Variants in GLE1 observed in about 807,000 individuals in gnomAD.
The protein encoded by GLE1 is GLE1 RNA export mediator.
GLE1 carries 78 observed loss-of-function variants against 97.3 expected under a neutral mutation model. The observed-to-expected ratio is 0.80, with a 90% CI of 0.67 to 0.97. The LOEUF (loss-of-function observed/expected upper bound fraction) is 0.97. GLE1 is among the 50% of genes least tolerant of loss of function. The probability of loss-of-function intolerance (pLI) is 0.00; values close to 1 mark genes in which losing one functional copy is unlikely to be tolerated. For missense variants in GLE1, 753 were observed against 857.5 expected (o/e 0.88, Z 1.52); for synonymous variants, 302 against 313.4 (o/e 0.96, Z 0.39).
chr9:128,506,906 T>C (rs1003861479), intron 1 of GLE1, among the ~76,000 whole-genome samples: 5 of 152,246 alleles, frequency 3.3e-5, no homozygotes, highest in African/African-American at 9.6e-5. Context: ...ATTCTCAATA[T>C]GTTTACTTAT....
At chr9:128,520,095 C>A (rs1038535871) in intron 3 of GLE1, among the ~76,000 whole-genome samples, 8 of 151,834 alleles carry the variant, frequency 5.3e-5, no homozygotes, top group Non-Finnish European at 1.2e-4. Flanking sequence ...ACTAAAAATA[C>A]AAAAATTAGC....
At position 128,531,754 on chromosome 9, in the gene GLE1, C is replaced by T. The variant is rs567230354; in HGVS notation, c.1313-1759C>T. On this transcript the variant is annotated intron_variant, in intron 9 of 15. Transcript: ENST00000309971. ...GGCTGAGGTGGAAGAATCACTTGAA[C>T]CCGGAAGGCAGAGGTTGCAGTGAGG... Among the ~76,000 whole-genome samples, 3 of 150,358 alleles carry T rather than the reference C, an allele frequency of 2.0e-5. No homozygotes were observed. The South Asian group carries it at 6.3e-4, about 32-fold the overall frequency.
In GLE1 at chr9:128,539,622, G is replaced by A; in HGVS notation, c.1888G>A (p.Gly630Arg). The change falls in exon 14 of 16, where the codon GGG becomes AGG. Residue 630 changes from glycine to arginine, a missense_variant. Transcript: ENST00000309971. ...TGCCTGTCTTTCCCTCTAGGTGTGTGGGAATGCCCTCATGAAGCAATACCA... is the reference window on the plus strand; with the variant it reads ...TGCCTGTCTTTCCCTCTAGGTGTGTAGGAATGCCCTCATGAAGCAATACCA... ...TLLFDFLEVC[G>R]NALMKQYQVQ... 1 of 1,612,176 alleles carries A rather than the reference G, an allele frequency of 6.2e-7. No homozygotes were observed. Among genetic ancestry groups the A allele is most frequent in the South Asian group, 1.1e-5 (1 of 91,048 alleles).
At chr9:128,517,513 A>G (rs1008984034) in intron 3 of GLE1, among the ~76,000 whole-genome samples, 3 of 152,212 alleles carry the variant, frequency 2.0e-5, no homozygotes, top group African/African-American at 7.2e-5. Flanking sequence ...TGGGTGAAAG[A>G]TGGTGGTTGC....
intron 15 of GLE1, 49 bp downstream of exon 15, chr9:128,540,387 T>G: frequency 8.6e-7 from 1 of 1,166,638 alleles, no homozygotes; most frequent in Non-Finnish European, 1.3e-6. Flanking sequence ...TGGGCTGGAA[T>G]GCACCTATGT....
rs760894206 is a variant in GLE1, at chr9:128,527,250, G to A, written c.1201G>A (p.Val401Met). Residue 401 changes from valine to methionine, a missense_variant, in exon 8 of 16, where the codon GTG (valine) becomes ATG (methionine). Transcript: ENST00000309971. ...GCTGCAGGATGCTTCCATGCAGTGT[G>A]TGTTGACCTTTGAGGGCCTGACCAA... ...QQLQDASMQC[V>M]LTFEGLTNSK... The A allele has an allele frequency of 6.2e-7, 1 of 1,611,686 alleles. No homozygotes were observed. Among genetic ancestry groups the A allele is most frequent in the Non-Finnish European group, 8.5e-7 (1 of 1,177,762 alleles).
chr9:128,521,551 CAAAAT>C (rs1847153226), intron 3 of GLE1, among the ~76,000 whole-genome samples: 1 of 152,020 alleles, frequency 6.6e-6, no homozygotes, highest in African/African-American at 2.4e-5. Context: ...AACAAATAAA[CAAAAT>C]AAAATATAAT....
At chr9:128,508,773 G>A in intron 1 of GLE1, 103 bp from the exon 2 acceptor site, 2 of 763,952 alleles carry the variant, frequency 2.6e-6, no homozygotes, top group South Asian at 2.8e-5. Flanking sequence ...GGTCTTTGAT[G>A]TTTATTTATT....
intron 3 of GLE1, among the ~76,000 whole-genome samples, chr9:128,519,434 G>C (rs926687134): frequency 6.6e-6 from 1 of 152,124 alleles, no homozygotes; most frequent in African/African-American, 2.4e-5. Context: ...TCTATAGATG[G>C]CCCCCTGCAT....
At chr9:128,520,420 G>GTATATATGTA (rs902541178) in intron 3 of GLE1, among the ~76,000 whole-genome samples, 1 of 147,060 alleles carries the variant, frequency 6.8e-6, no homozygotes, top group Non-Finnish European at 1.5e-5. Flanking sequence ...GTATATATAT[G>GTATATATGTA]TATATATGTA....
intron 7 of GLE1, 23 bp from the exon 8 acceptor site, chr9:128,527,155 TA>T (rs1220348382): frequency 1.5e-6 from 2 of 1,296,092 alleles, no homozygotes; most frequent in Non-Finnish European, 2.2e-6. Flanking sequence ...TAGCTATTAC[TA>T]AAACCTCTCT....
At chr9:128,518,557 G>A (rs1490583443) in intron 3 of GLE1, among the ~76,000 whole-genome samples, 2 of 150,224 alleles carry the variant, frequency 1.3e-5, no homozygotes, top group African/African-American at 2.5e-5. Context: ...TTGAGAATCC[G>A]TCTCTAAAAA....
intron 2 of GLE1, among the ~76,000 whole-genome samples, chr9:128,511,819 A>C (rs373971104): frequency 1.3e-4 from 20 of 151,838 alleles, no homozygotes; most frequent in African/African-American, 3.6e-4. Context: ...TTATTTCTTT[A>C]TTTATTTTTG....
chr9:128,527,410 A>C, intron 8 of GLE1, 46 bp from the exon 9 acceptor site: 2 of 1,398,888 alleles, frequency 1.4e-6, no homozygotes, highest in Non-Finnish European at 2.0e-6. Context: ...AGTGACATCT[A>C]CTCAGCTCTT....
chr9:128,509,679 C>T (rs1292344639), intron 2 of GLE1, among the ~76,000 whole-genome samples: 1 of 151,046 alleles, frequency 6.6e-6, no homozygotes, highest in South Asian at 2.1e-4. Context: ...TTAAATTGGA[C>T]CCAACACAGT....
rs141240473 is a variant in GLE1 at position 128,519,854 on chromosome 9, C to T, written c.433-2814C>T. Among the ~76,000 whole-genome samples the T allele has an allele frequency of 1.2e-3, 177 of 152,270 alleles. 5 individuals carry two copies. In the East Asian group the frequency reaches 0.023, roughly 20 times the overall value. On this transcript the variant is annotated intron_variant, in intron 3 of 15. Transcript: ENST00000309971. ...ACCTACCGACATGTGATGTCTCCCC[C>T]GGATGCCCAGCTTTAAAATTTCTCT...
rs1156305904 is a variant in GLE1 at position 128,527,242 on chromosome 9, T to TG, written c.1194dup (p.Gln399AlafsTer7). 6.2e-7 allele frequency: 1 copy of TG among 1,612,214 alleles called. No individual in the cohort carries two copies. The highest frequency in any genetic ancestry group is 8.5e-7 in the Non-Finnish European group (1 of 1,178,342). On this transcript the variant is annotated frameshift_variant, in exon 8 of 16. Transcript: ENST00000309971. LOFTEE classifies it high-confidence loss of function. ...TACCAGCAGCTGCAGGATGCTTCCATGCAGTGTGTGTTGACCTTTGAGGGC... is the reference window on the plus strand; with the variant it reads ...TACCAGCAGCTGCAGGATGCTTCCATGGCAGTGTGTGTTGACCTTTGAGGGC...
chr9:128,510,177 C>T (rs1049084620), intron 2 of GLE1, among the ~76,000 whole-genome samples: 1 of 151,988 alleles, frequency 6.6e-6, no homozygotes, highest in African/African-American at 2.4e-5. Context: ...CCTGTCTCAG[C>T]CTCCCGAATA....
chr9:128,536,731 G>C (rs1000247406), intron 12 of GLE1: 1 of 427,526 alleles, frequency 2.3e-6, no homozygotes, highest in Admixed American at 3.5e-5. Flanking sequence ...TTATAAATCA[G>C]TCATTAAGGT....
Sources: gnomAD v4.1 joint callset for allele counts (sites outside exome capture counted in the v4.1 genomes callset) on GRCh38, gnomAD v4.1.1 for gene constraint, MANE v1.5 for transcripts, NCBI Gene and HGNC (gene_info 2026-07-23, HGNC 2026-07-21) for gene names.